MASTL: variants seen among roughly 807,000 people sequenced by gnomAD.
MASTL encodes serine/threonine-protein kinase greatwall.
A neutral mutation model predicts 82.5 loss-of-function variants in MASTL; 54 were observed. The observed-to-expected ratio is 0.65, with a 90% CI of 0.53 to 0.82. MASTL has a LOEUF of 0.82. MASTL is among the 40% of genes least tolerant of loss of function. MASTL has a pLI of 0.00. For synonymous variants in MASTL, 323 were observed against 368.9 expected, an observed-to-expected ratio of 0.88 and a Z score of 1.43; for missense variants, 950 against 1,047.8, an observed-to-expected ratio of 0.91 and a Z score of 1.29.
chr10:27,167,221 T>C lies in MASTL; in HGVS notation c.931T>C (p.Ser311Pro), dbSNP rs1163815153. The change falls in exon 7 of 12, where the codon TCC becomes CCC. Residue 311 changes from serine (S) to proline (P), a missense_variant. Physicochemically the swap from Ser to Pro is moderately conservative, Grantham distance 74. Coordinates refer to ENST00000375940, the MANE Select transcript of MASTL (RefSeq NM_001172303.3). ...SASSQSHTFISSVESECHSSP... is the reference protein window; with the variant it reads ...SASSQSHTFIPSVESECHSSP... ...CAGTAGTCAATCCCACACCTTCATA[T>C]CCAGTGTGGAATCAGAATGCCACAG... 13 of 1,613,812 alleles carry C rather than the reference T, an allele frequency of 8.1e-6. No individual in the cohort carries two copies. The highest frequency in any genetic ancestry group is 1.3e-5 in the African/African-American group (1 of 74,912).
intron 9 of MASTL, 87 bp from the exon 10 acceptor site, chr10:27,180,866 T>C: frequency 1.1e-6 from 1 of 911,700 alleles, no homozygotes; most frequent in East Asian, 2.5e-5. Flanking sequence ...TCGTTTTCCC[T>C]AATTAGGACT....
intron 8 of MASTL, 30 bp downstream of exon 8, chr10:27,171,113 T>C (rs745767430): frequency 2.5e-6 from 4 of 1,597,986 alleles, no homozygotes; most frequent in Non-Finnish European, 3.4e-6. Context: ...ATACTGTTTT[T>C]TGGATTTTAG....
rs200773075 is a variant in MASTL at position 27,186,470 on chromosome 10, A to T, written c.2574A>T (p.Thr858=). 6.2e-7 allele frequency: 1 copy of T among 1,614,152 alleles called. No homozygotes were observed. Among genetic ancestry groups the T allele is most frequent in the Non-Finnish European group, 8.5e-7 (1 of 1,179,990 alleles). ...TCATCCCCCAGCCAGATGATGAAAC[A>T]GATACCTCCTATTTTGAAGCCAGGA... ...MPFIPQPDDE[T]DTSYFEARNT... Residue 858 remains threonine (T), a synonymous_variant, in exon 12 of 12, where the codon ACA becomes ACT. Coordinates refer to ENST00000375940, the MANE Select transcript of MASTL (RefSeq NM_001172303.3).
rs1468272419 is a variant in MASTL at position 27,187,583 on chromosome 10, C to A, written c.*1047C>A. Among the ~76,000 whole-genome samples, 1 of 151,944 alleles carries A rather than the reference C, an allele frequency of 6.6e-6. No individual in the cohort carries two copies. Among genetic ancestry groups the A allele is most frequent in the Non-Finnish European group, 1.5e-5 (1 of 68,006 alleles). The stretch of plus-strand genomic sequence containing the variant: ...CCTGGCCAACATGGCAAAACCTGGT[C>A]TCTACTAAAAATAGAAAAATTAGCC... On this transcript the variant is annotated 3_prime_UTR_variant, in exon 12 of 12. Transcript: ENST00000375940.
chr10:27,165,955 C>G (rs1264020461), intron 6 of MASTL, among the ~76,000 whole-genome samples: 1 of 151,800 alleles, frequency 6.6e-6, no homozygotes, highest in Non-Finnish European at 1.5e-5. Context: ...AACATGACAC[C>G]CAGCAGTTTG....
intron 9 of MASTL, among the ~76,000 whole-genome samples, chr10:27,179,224 T>C (rs1364555301): frequency 6.6e-6 from 1 of 152,166 alleles, no homozygotes; most frequent in Non-Finnish European, 1.5e-5. Flanking sequence ...ATAAACCAGT[T>C]TATAGTTTAT....
In MASTL at chr10:27,159,580, ATTG is replaced by A; in HGVS notation, c.325-36_325-34del. Reference sequence around the variant, plus strand: ...AATACTAGATTTTTAAAGTAATCATATTGTTTTTATTTCACAATATTAAATTCT... The same window carrying A: ...AATACTAGATTTTTAAAGTAATCATATTTTTATTTCACAATATTAAATTCT... On this transcript the variant is annotated intron_variant, in intron 2 of 11. Coordinates refer to ENST00000375940, the MANE Select transcript of MASTL (RefSeq NM_001172303.3). This position sits in a 1 kb window ranked among gnomAD's most constrained non-coding sequence, Gnocchi z 4.0. 7.3e-7 allele frequency: 1 copy of A among 1,361,900 alleles called. No individual in the cohort carries two copies. Among genetic ancestry groups the A allele is most frequent in the Non-Finnish European group, 1.0e-6 (1 of 954,634 alleles). 84.4% of individuals were successfully genotyped at this position (1,361,900 alleles called of 1,614,324 possible).
intron 6 of MASTL, among the ~76,000 whole-genome samples, chr10:27,166,411 AC>A (rs1158658150): frequency 6.6e-6 from 1 of 152,176 alleles, no homozygotes; most frequent in Non-Finnish European, 1.5e-5. Context: ...GTCTGGATAT[AC>A]CACATCAATA....
intron 6 of MASTL, 99 bp downstream of exon 6, chr10:27,165,638 A>G: frequency 7.4e-7 from 1 of 1,350,770 alleles, no homozygotes; most frequent in Non-Finnish European, 1.0e-6. Context: ...TTTGAGACGG[A>G]GTCTTACTCT....
rs41282218 is a variant in MASTL, at chr10:27,155,649, C to T, written c.186+37C>T. ...ACGAGTAGCAAGGAAGGGGTTAGGC[C>T]CTTCGGCCCTCCTTCCTGCCCCACC... On this transcript the variant is annotated intron_variant, in intron 1 of 11. Transcript: ENST00000375940. 0.048 allele frequency: 77,184 copies of T among 1,610,346 alleles called. 2,032 individuals carry two copies. Among genetic ancestry groups the T allele is most frequent in the African/African-American group, 0.084 (6,269 of 74,946 alleles).
chr10:27,155,197 A>C (rs2057308768), upstream of MASTL: 1 of 574,908 alleles, frequency 1.7e-6, no homozygotes, highest in Non-Finnish European at 3.1e-6. Flanking sequence ...GAATGATGTC[A>C]GTGGGGCCGC....
At chr10:27,184,191 T>C (rs76052212) in intron 11 of MASTL, among the ~76,000 whole-genome samples, 8,496 of 152,224 alleles carry the variant, frequency 0.056, 479 homozygotes, top group African/African-American at 0.15. Flanking sequence ...CATAATGTCA[T>C]GTAGTGGTAA....
At chr10:27,164,353 G>T (rs1345701685) in intron 4 of MASTL, among the ~76,000 whole-genome samples, 1 of 152,114 alleles carries the variant, frequency 6.6e-6, no homozygotes, top group Non-Finnish European at 1.5e-5. Context: ...TGCCCAAGCT[G>T]GTTTCAAACT....
In MASTL at chr10:27,155,562, T is replaced by A; in HGVS notation, c.136T>A (p.Phe46Ile). 1 of 1,614,142 alleles carries A rather than the reference T, an allele frequency of 6.2e-7. No homozygotes were observed. The highest frequency in any genetic ancestry group is 8.5e-7 in the Non-Finnish European group (1 of 1,179,986). ...SIVKPISRGA[F>I]GKVYLGQKGG... ...AGTGAAGCCCATTAGCCGGGGCGCC[T>A]TCGGGAAAGTGTATCTGGGGCAGAA... Residue 46 changes from phenylalanine to isoleucine, a missense_variant, in exon 1 of 12, where the codon TTC becomes ATC. Coordinates refer to ENST00000375940, the MANE Select transcript of MASTL (RefSeq NM_001172303.3).
intron 1 of MASTL, 25 bp from the exon 2 acceptor site, chr10:27,158,524 A>T: frequency 4.6e-6 from 7 of 1,529,386 alleles, no homozygotes; most frequent in South Asian, 1.1e-5. Context: ...ATAACATGAT[A>T]TCACTTTTAT....
chr10:27,185,618 CAAA>C (rs34847161), intron 11 of MASTL, among the ~76,000 whole-genome samples: 2 of 98,548 alleles, frequency 2.0e-5, no homozygotes, highest in African/African-American at 4.0e-5. Context: ...AGGTGACAGA[CAAA>C]AAAAAAAAAA....
chr10:27,155,674 C>T, intron 1 of MASTL, 62 bp downstream of exon 1: 2 of 1,592,190 alleles, frequency 1.3e-6, no homozygotes, highest in Non-Finnish European at 1.7e-6. Context: ...CCTGCCCCAC[C>T]GGCTTGGGCA....
chr10:27,155,759 T>C (rs1405363039), intron 1 of MASTL, 147 bp downstream of exon 1: 1 of 873,808 alleles, frequency 1.1e-6, no homozygotes, highest in East Asian at 2.7e-5. Context: ...CGAGCTGACT[T>C]CTTTTTGGGG....
chr10:27,155,122 G>C, upstream of MASTL: 1 of 383,750 alleles, frequency 2.6e-6, no homozygotes, highest in Non-Finnish European at 4.8e-6. Context: ...CTGCGATTCA[G>C]AGTCAAGTCC....
Sources: gnomAD v4.1 joint callset for allele counts (sites outside exome capture counted in the v4.1 genomes callset) on GRCh38, gnomAD v4.1.1 for gene constraint, Gnocchi (gnomAD v3.1) non-coding constraint, MANE v1.5 for transcripts, NCBI Gene and HGNC (gene_info 2026-07-23, HGNC 2026-07-21) for gene names.